The following OPRM1 variants were observed in gnomAD, a reference collection of about 807,000 sequenced individuals.
The protein encoded by OPRM1 is mu-type opioid receptor.
OPRM1 carries 27 observed loss-of-function variants against 31.8 expected under a neutral mutation model. That is an observed-to-expected ratio of 0.85 (90% CI 0.63 to 1.17). The LOEUF is 1.17. Among genes scored for constraint, OPRM1 ranks in the 50% most tolerant of loss-of-function variants. OPRM1 has a pLI of 0.00. For missense variants in OPRM1, 536 were observed against 511.1 expected (o/e 1.05, Z -0.47); for synonymous variants, 196 against 189.9 (o/e 1.03, Z -0.26).
At chr6:154,208,491 T>A (rs1354529381) in intron 3 of OPRM1, among the ~76,000 whole-genome samples, 1 of 152,196 alleles carries the variant, frequency 6.6e-6, no homozygotes, top group African/African-American at 2.4e-5. Context: ...TATATTTTCC[T>A]TATTATGTGG....
At chr6:154,030,810 G>A (rs896974941) in intron 1 of OPRM1, among the ~76,000 whole-genome samples, 2 of 152,066 alleles carry the variant, frequency 1.3e-5, no homozygotes, top group Non-Finnish European at 2.9e-5. Flanking sequence ...ACTGAAAAGA[G>A]GAAACATTCT....
chr6:154,031,122 A>T (rs2128387377), intron 1 of OPRM1, among the ~76,000 whole-genome samples: 1 of 152,362 alleles, frequency 6.6e-6, no homozygotes, highest in East Asian at 1.9e-4. Context: ...TCTCATCAAA[A>T]GCTCTGTGAG....
intron 1 of OPRM1, among the ~76,000 whole-genome samples, chr6:154,063,002 C>G (rs1423090383): frequency 1.3e-5 from 2 of 151,988 alleles, no homozygotes; most frequent in Non-Finnish European, 2.9e-5. Flanking sequence ...TCTTTCTAAT[C>G]TGTTGTGCTA....
At chr6:154,093,138 G>A (rs963054082) in intron 3 of OPRM1, 23 of 716,082 alleles carry the variant, frequency 3.2e-5, no homozygotes, top group Non-Finnish European at 5.0e-5. Flanking sequence ...CCAACCTGGG[G>A]ATAACATGTT....
intron 1 of OPRM1, among the ~76,000 whole-genome samples, chr6:154,022,236 G>A (rs148430124): frequency 6.6e-6 from 1 of 152,316 alleles, no homozygotes; most frequent in Non-Finnish European, 1.5e-5. Flanking sequence ...ATATGATCAT[G>A]TGATTTTCCT....
chr6:154,025,135 T>C (rs1778618185), intron 1 of OPRM1, among the ~76,000 whole-genome samples: 1 of 152,102 alleles, frequency 6.6e-6, no homozygotes, highest in African/African-American at 2.4e-5. Flanking sequence ...TCTCCAGCTA[T>C]TATTGTATTG....
upstream of OPRM1, among the ~76,000 whole-genome samples, chr6:154,035,081 A>G (rs1393506503): frequency 6.6e-6 from 1 of 152,238 alleles, no homozygotes; most frequent in Non-Finnish European, 1.5e-5. Context: ...GTGTAATCCT[A>G]TAAACCCTCT....
intron 1 of OPRM1, among the ~76,000 whole-genome samples, chr6:154,025,124 G>A (rs1346233047): frequency 1.3e-5 from 2 of 152,012 alleles, no homozygotes; most frequent in African/African-American, 4.8e-5. Flanking sequence ...GGCTTTTGAA[G>A]TCTCCAGCTA....
chr6:154,209,321 T>C (rs545768599), intron 3 of OPRM1, among the ~76,000 whole-genome samples: 3 of 152,312 alleles, frequency 2.0e-5, no homozygotes, highest in Admixed American at 6.5e-5. Context: ...TAGCCTATAC[T>C]GTATTGGGCC....
chr6:154,114,170 C>G (rs1796621677), intron 3 of OPRM1, among the ~76,000 whole-genome samples: 1 of 152,172 alleles, frequency 6.6e-6, no homozygotes, highest in Non-Finnish European at 1.5e-5. Context: ...CACGTATTGT[C>G]TCTAAGATCT....
At chr6:154,103,583 G>A (rs960068755) in intron 3 of OPRM1, among the ~76,000 whole-genome samples, 1 of 152,044 alleles carries the variant, frequency 6.6e-6, no homozygotes, top group Non-Finnish European at 1.5e-5. Context: ...GTGAAAGCAA[G>A]TTTATTAAGA....
At chr6:154,137,791 T>A (rs555845623) in intron 3 of OPRM1, among the ~76,000 whole-genome samples, 6 of 152,246 alleles carry the variant, frequency 3.9e-5, no homozygotes, top group African/African-American at 1.2e-4. Context: ...AATAGAAGTA[T>A]GAAATCGAAA....
intron 1 of OPRM1, among the ~76,000 whole-genome samples, chr6:154,069,071 T>C (rs1211211120): frequency 1.3e-5 from 2 of 152,196 alleles, no homozygotes; most frequent in African/African-American, 4.8e-5. Context: ...TTGCTATTGG[T>C]TTGTAAGAGC....
chr6:154,167,157 C>A (rs1799505983), intron 3 of OPRM1, among the ~76,000 whole-genome samples: 1 of 152,192 alleles, frequency 6.6e-6, no homozygotes, highest in Admixed American at 6.5e-5. Flanking sequence ...CAGAATCTAT[C>A]AAAGCTTTTC....
At chr6:154,085,914 G>C (rs1321059746) in intron 1 of OPRM1, among the ~76,000 whole-genome samples, 1 of 72,190 alleles carries the variant, frequency 1.4e-5, no homozygotes, top group Non-Finnish European at 2.6e-5. Context: ...TTGAGACAGT[G>C]TCTCTCTCTG....
At position 154,131,750 on chromosome 6, in the gene OPRM1, C is replaced by T. The variant is rs1174653703; in HGVS notation, c.*13029C>T. Among the ~76,000 whole-genome samples the T allele has an allele frequency of 6.6e-6, 1 of 151,796 alleles. No individual in the cohort carries two copies. Among genetic ancestry groups the T allele is most frequent in the African/African-American group, 2.4e-5 (1 of 41,280 alleles). On this transcript the variant is annotated 3_prime_UTR_variant, in exon 4 of 4. Coordinates refer to ENST00000330432, the MANE Select transcript of OPRM1 (RefSeq NM_000914.5). ...CAGTTGTAACAGTGAGCACAACATG[C>T]TTTCTGTGTGTGTTTTTAAGCTCTT...
chr6:154,237,877 TA>T (rs1338390471), intron 3 of OPRM1, among the ~76,000 whole-genome samples: 3 of 152,300 alleles, frequency 2.0e-5, no homozygotes, highest in Non-Finnish European at 2.9e-5. Flanking sequence ...TGTCAATACT[TA>T]TACATTTATG....
chr6:154,110,886 C>CAGAAA (rs1796277949), intron 3 of OPRM1, among the ~76,000 whole-genome samples: 5 of 63,610 alleles, frequency 7.9e-5, no homozygotes, highest in Non-Finnish European at 1.5e-4. Flanking sequence ...GACTCCGTCT[C>CAGAAA]AAAAAAAAAA....
chr6:154,137,206 G>A (rs1231406863), downstream of OPRM1, among the ~76,000 whole-genome samples: 2 of 152,102 alleles, frequency 1.3e-5, no homozygotes, highest in Non-Finnish European at 2.9e-5. Context: ...AAGAATATAG[G>A]TGAAATGCCT....
Sources: allele counts gnomAD v4.1 joint callset (sites outside exome capture counted in the v4.1 genomes callset), GRCh38; gene constraint gnomAD v4.1.1; transcripts MANE v1.5; gene names NCBI Gene and HGNC (gene_info 2026-07-23, HGNC 2026-07-21).